The following ADGRL3 variants were observed in gnomAD, a reference collection of about 807,000 sequenced individuals.
ADGRL3 encodes the protein adhesion G protein-coupled receptor L3.
In ADGRL3, 62 loss-of-function variants were observed where a neutral mutation model predicts 153.5. That is an observed-to-expected ratio of 0.40 (90% CI 0.33 to 0.50). ADGRL3 has a LOEUF of 0.50. ADGRL3 is among the 20% of genes least tolerant of loss of function. The pLI, the probability that ADGRL3 is intolerant of heterozygous loss-of-function variation, is 0.47. For synonymous variants in ADGRL3, 710 were observed against 672.5 expected, an observed-to-expected ratio of 1.06 and a Z score of -0.86; for missense variants, 1,641 against 1,859.4, an observed-to-expected ratio of 0.88 and a Z score of 2.16.
chr4:61,600,913 C>G (rs947171108), intron 5 of ADGRL3, among the ~76,000 whole-genome samples: 1 of 152,114 alleles, frequency 6.6e-6, no homozygotes, highest in African/African-American at 2.4e-5. Context: ...TATGACTTCT[C>G]AGTATAGAAT....
chr4:61,471,961 C>T (rs184224055), intron 2 of ADGRL3, among the ~76,000 whole-genome samples: 1 of 151,972 alleles, frequency 6.6e-6, no homozygotes, highest in East Asian at 1.9e-4. Context: ...TTGTATTATG[C>T]ACAACACAAT....
chr4:61,889,822 T>C (rs982316487), intron 9 of ADGRL3, among the ~76,000 whole-genome samples: 1 of 152,136 alleles, frequency 6.6e-6, no homozygotes, highest in Non-Finnish European at 1.5e-5. Context: ...GCTGGAGAAA[T>C]CTTGCACTAC....
rs116490052 is a variant in ADGRL3, at chr4:61,591,265, A to G, written c.473+3825A>G. Among the ~76,000 whole-genome samples, 648 of 152,298 alleles carry G rather than the reference A, an allele frequency of 4.3e-3. 3 individuals carry two copies. Among genetic ancestry groups the G allele is most frequent in the African/African-American group, 0.015 (620 of 41,566 alleles). ...TTGTTGAAGCATTTGTATATACTAT[A>G]TAATTCACTCATTTCAATAGTACAG... is the stretch of plus-strand genomic sequence containing the variant. On this transcript the variant is annotated intron_variant, in intron 5 of 26. Coordinates refer to ENST00000683033, the MANE Select transcript of ADGRL3 (RefSeq NM_001387552.1).
chr4:61,982,466 A>T (rs1379557834), intron 18 of ADGRL3, among the ~76,000 whole-genome samples: 1 of 152,104 alleles, frequency 6.6e-6, no homozygotes, highest in East Asian at 1.9e-4. Flanking sequence ...TTTCATAAGG[A>T]TCATACTCAT....
intron 9 of ADGRL3, among the ~76,000 whole-genome samples, chr4:61,859,240 G>A (rs2149262135): frequency 6.6e-6 from 1 of 152,156 alleles, no homozygotes; most frequent in Middle Eastern, 3.4e-3. Flanking sequence ...TTATTTAGAG[G>A]TGTTTCATTT....
intron 8 of ADGRL3, among the ~76,000 whole-genome samples, chr4:61,812,775 ACT>A (rs1338725407): frequency 6.6e-6 from 1 of 152,152 alleles, no homozygotes. Context: ...CTTAAAATTC[ACT>A]TTAATGCTTT....
chr4:62,070,927 GA>G lies in ADGRL3; in HGVS notation c.*21del. 6 of 1,523,660 alleles carry G rather than the reference GA, an allele frequency of 3.9e-6. No individual in the cohort carries two copies. Among genetic ancestry groups the G allele is most frequent in the Non-Finnish European group, 5.3e-6 (6 of 1,132,442 alleles). The allele number at this position is 1,523,660 out of a possible 1,614,324, so 94.4% of individuals were successfully genotyped here. A position where few individuals can be genotyped will look rare whatever the true frequency, so the allele number is the denominator to read the frequency against. ...TCTATAGAAGATGACACAGAAATTG[GA>G]ACCAACAAAACTGCTAACACCTTGT... On this transcript the variant is annotated 3_prime_UTR_variant, in exon 27 of 27. Transcript: ENST00000683033.
intron 9 of ADGRL3, among the ~76,000 whole-genome samples, chr4:61,847,788 TTATA>T (rs1250447254): frequency 3.4e-5 from 1 of 29,226 alleles, no homozygotes; most frequent in Non-Finnish European, 6.4e-5. Context: ...ACAAAATATA[TTATA>T]TATATAATAT....
chr4:61,863,036 G>C (rs1297238224), intron 9 of ADGRL3, among the ~76,000 whole-genome samples: 2 of 152,090 alleles, frequency 1.3e-5, no homozygotes, highest in Non-Finnish European at 2.9e-5. Context: ...TCAGAAACCA[G>C]GGTTGGCAGT....
At chr4:61,777,057 C>T (rs2097159685) in intron 8 of ADGRL3, among the ~76,000 whole-genome samples, 1 of 151,814 alleles carries the variant, frequency 6.6e-6, no homozygotes, top group Admixed American at 6.6e-5. Flanking sequence ...AATTTCTGGC[C>T]AGGTGTGCTG....
chr4:61,845,875 C>T (rs1445669596), intron 9 of ADGRL3, among the ~76,000 whole-genome samples: 2 of 152,034 alleles, frequency 1.3e-5, no homozygotes, highest in Admixed American at 1.3e-4. Context: ...TTGATGTAAA[C>T]CAATTCCTAC....
chr4:61,405,315 A>G (rs1177511424), intron 2 of ADGRL3, among the ~76,000 whole-genome samples: 1 of 152,026 alleles, frequency 6.6e-6, no homozygotes, highest in Non-Finnish European at 1.5e-5. Flanking sequence ...TATAGTAACT[A>G]TACATTTCTT....
chr4:61,759,855 G>A (rs1188274284), intron 8 of ADGRL3, among the ~76,000 whole-genome samples: 1 of 152,130 alleles, frequency 6.6e-6, no homozygotes, highest in African/African-American at 2.4e-5. Context: ...ATTTGGTGTG[G>A]ATGTCCTTTC....
chr4:61,303,904 C>T (rs190364674), intron 1 of ADGRL3, among the ~76,000 whole-genome samples: 11 of 152,172 alleles, frequency 7.2e-5, no homozygotes, highest in South Asian at 6.2e-4. Flanking sequence ...TTACACAAAT[C>T]ACAATTTAAA....
At chr4:61,365,918 A>G (rs932303725) in intron 1 of ADGRL3, among the ~76,000 whole-genome samples, 1 of 152,216 alleles carries the variant, frequency 6.6e-6, no homozygotes, top group Non-Finnish European at 1.5e-5. Context: ...AGGAGGAAAG[A>G]TATTTATGGG....
intron 16 of ADGRL3, among the ~76,000 whole-genome samples, 177 bp from the exon 17 acceptor site, chr4:61,947,923 A>G (rs1342233881): frequency 6.6e-6 from 1 of 152,216 alleles, no homozygotes; most frequent in Admixed American, 6.5e-5. Flanking sequence ...GGGAACAAAC[A>G]ATAGCATATA....
chr4:61,510,550 G>T (rs996899532), intron 3 of ADGRL3, among the ~76,000 whole-genome samples: 3 of 152,108 alleles, frequency 2.0e-5, no homozygotes, highest in African/African-American at 7.2e-5. Flanking sequence ...TGTTGACCTT[G>T]TTGAAGATCA....
intron 3 of ADGRL3, among the ~76,000 whole-genome samples, chr4:61,512,502 A>T (rs1479191185): frequency 6.6e-6 from 1 of 152,152 alleles, no homozygotes; most frequent in Non-Finnish European, 1.5e-5. Flanking sequence ...TTATAAATAA[A>T]CAAACCAAAG....
intron 8 of ADGRL3, among the ~76,000 whole-genome samples, chr4:61,756,852 G>A (rs553359707): frequency 0.011 from 1,644 of 152,170 alleles, 37 homozygotes; most frequent in African/African-American, 0.037. Context: ...TTTGTCAAAG[G>A]CCTTTTCTGC....
Sources: gnomAD v4.1 joint callset for allele counts (sites outside exome capture counted in the v4.1 genomes callset) on GRCh38, gnomAD v4.1.1 for gene constraint, MANE v1.5 for transcripts, NCBI Gene and HGNC (gene_info 2026-07-23, HGNC 2026-07-21) for gene names.